The following LRP1B variants were observed in gnomAD, a reference collection of about 807,000 sequenced individuals.
The protein encoded by LRP1B is low-density lipoprotein receptor-related protein 1B.
LRP1B carries 217 observed loss-of-function variants against 556.6 expected under a neutral mutation model. The observed-to-expected ratio is 0.39, with a 90% CI of 0.35 to 0.44. The LOEUF is 0.44. Ranked by LOEUF, LRP1B falls within the 20% of genes least tolerant of loss-of-function variation. The pLI is 1.00. For missense variants in LRP1B, 5,053 were observed against 5,620.8 expected (o/e 0.90, Z 3.23); for synonymous variants, 2,047 against 1,865.8 (o/e 1.10, Z -2.50).
In LRP1B at chr2:140,352,967, G is replaced by T. The variant is rs369966246; in HGVS notation, c.11636C>A (p.Thr3879Asn). 4 of 1,611,980 alleles carry T rather than the reference G, an allele frequency of 2.5e-6. No homozygotes were observed. The highest frequency in any genetic ancestry group is 1.3e-5 in the African/African-American group (1 of 74,904). The change falls in exon 76 of 91, where the codon ACC (threonine) becomes AAC (asparagine). Residue 3879 changes from threonine (T) to asparagine (N), a missense_variant. Physicochemically the swap from Thr to Asn is moderately conservative, Grantham distance 65. Around this residue, in one of 5 missense-constraint regions of LRP1B, gnomAD observed 599 missense variants for 648.4 expected, o/e 0.92. Transcript: ENST00000389484. ...TATAATCTTACCTTCTGCTATGCAGGTGTTATTTCTTTCTTGAAAATTCTG... is the reference window on the plus strand; with the variant it reads ...TATAATCTTACCTTCTGCTATGCAGTTGTTATTTCTTTCTTGAAAATTCTG... ...CDQNFQERNN[T>N]CIAEGSEDQV...
intron 51 of LRP1B, among the ~76,000 whole-genome samples, chr2:140,514,404 G>T (rs1689794766): frequency 6.6e-6 from 1 of 151,546 alleles, no homozygotes. Flanking sequence ...CCGAAAGCTA[G>T]AAATAAAATG....
At chr2:142,099,313 T>G (rs1706490935) in intron 1 of LRP1B, among the ~76,000 whole-genome samples, 1 of 151,830 alleles carries the variant, frequency 6.6e-6, no homozygotes, top group Admixed American at 6.6e-5. Flanking sequence ...ATAATCTAAT[T>G]GCAACAGTAG....
chr2:141,576,753 C>CA lies in LRP1B; in HGVS notation c.206-96221dup, dbSNP rs72183984. The stretch of plus-strand genomic sequence containing the variant: ...TAGGCAGCAGAGTGAGCCCCTGTCT[C>CA]AAAAAAAAAAAAAAAAAAGCTTCAG... On this transcript the variant is annotated intron_variant, in intron 2 of 90. Coordinates refer to ENST00000389484, the MANE Select transcript of LRP1B (RefSeq NM_018557.3). Among the ~76,000 whole-genome samples, 756 of 92,226 alleles carry CA rather than the reference C, an allele frequency of 8.2e-3. 6 individuals are homozygous for CA. The highest frequency in any genetic ancestry group is 0.021 in the South Asian group (53 of 2,534). 60.5% of individuals were successfully genotyped at this position (92,226 alleles called of 152,430 possible). A position where few individuals can be genotyped will look rare whatever the true frequency, so the allele number is the denominator to read the frequency against.
chr2:141,696,055 A>G (rs1472029217), intron 2 of LRP1B, among the ~76,000 whole-genome samples: 1 of 151,966 alleles, frequency 6.6e-6, no homozygotes, highest in East Asian at 1.9e-4. Flanking sequence ...ATACCCTTTA[A>G]TGTAATCTGT....
chr2:142,103,476 A>C (rs993487873), intron 1 of LRP1B, among the ~76,000 whole-genome samples: 1 of 151,998 alleles, frequency 6.6e-6, no homozygotes, highest in Non-Finnish European at 1.5e-5. Flanking sequence ...TTAATAAAGA[A>C]ACCTAACTCT....
chr2:142,097,069 C>A (rs994315475), intron 1 of LRP1B, among the ~76,000 whole-genome samples: 1 of 108,026 alleles, frequency 9.3e-6, no homozygotes, highest in South Asian at 2.7e-4. Flanking sequence ...AAAAAAAAAC[C>A]CCGGTTTACC....
chr2:141,074,541 A>G (rs1378760979), intron 7 of LRP1B, among the ~76,000 whole-genome samples: 1 of 148,202 alleles, frequency 6.7e-6, no homozygotes, highest in African/African-American at 2.5e-5. Context: ...GTCTGCACAT[A>G]CTAAGTTCTT....
intron 3 of LRP1B, among the ~76,000 whole-genome samples, chr2:141,260,052 G>T (rs1320763498): frequency 1.3e-5 from 2 of 151,902 alleles, no homozygotes; most frequent in Non-Finnish European, 2.9e-5. Context: ...TTATTTTTGG[G>T]TGTGACATGA....
At chr2:140,977,562 G>C (rs1373359908) in intron 18 of LRP1B, among the ~76,000 whole-genome samples, 1 of 150,998 alleles carries the variant, frequency 6.6e-6, no homozygotes, top group Non-Finnish European at 1.5e-5. Context: ...AGCATTAATT[G>C]AGAATTTCTT....
chr2:140,877,527 C>T (rs919370193), intron 25 of LRP1B, among the ~76,000 whole-genome samples: 27 of 152,062 alleles, frequency 1.8e-4, no homozygotes, highest in African/African-American at 6.5e-4. Context: ...TTGAGGCCCC[C>T]AAATCACTAA....
intron 2 of LRP1B, among the ~76,000 whole-genome samples, chr2:141,737,876 T>C (rs1352879692): frequency 6.6e-6 from 1 of 152,206 alleles, no homozygotes; most frequent in Admixed American, 6.5e-5. Flanking sequence ...CATTTCTTTT[T>C]AGTTTCCATA....
At chr2:141,185,688 A>T (rs1281725953) in intron 7 of LRP1B, among the ~76,000 whole-genome samples, 1 of 33,864 alleles carries the variant, frequency 3.0e-5, no homozygotes, top group African/African-American at 7.1e-5. Context: ...ACAAACAAAC[A>T]AAAAAAAACA....
chr2:141,445,021 C>T (rs1681133911), intron 3 of LRP1B, among the ~76,000 whole-genome samples: 2 of 152,128 alleles, frequency 1.3e-5, no homozygotes, highest in Non-Finnish European at 2.9e-5. Flanking sequence ...CCTCTCTGTA[C>T]CTCTGGTAGA....
intron 2 of LRP1B, among the ~76,000 whole-genome samples, chr2:141,556,973 C>T (rs984733626): frequency 2.1e-4 from 32 of 151,734 alleles, no homozygotes; most frequent in African/African-American, 7.7e-4. Flanking sequence ...TTCTTCCATT[C>T]CTCTTCCCAG....
intron 3 of LRP1B, among the ~76,000 whole-genome samples, chr2:141,370,482 T>C (rs1049930323): frequency 1.3e-5 from 2 of 152,152 alleles, no homozygotes; most frequent in East Asian, 3.9e-4. Flanking sequence ...CAGCCTACTT[T>C]TCAATGGGAT....
intron 41 of LRP1B, among the ~76,000 whole-genome samples, chr2:140,636,428 A>T (rs956520845): frequency 5.3e-5 from 8 of 152,182 alleles, no homozygotes; most frequent in Non-Finnish European, 5.9e-5. Flanking sequence ...TGGAAACAAA[A>T]GTATGATTAC....
chr2:141,195,616 T>G (rs746078636), intron 6 of LRP1B, among the ~76,000 whole-genome samples: 27 of 152,234 alleles, frequency 1.8e-4, no homozygotes, highest in Non-Finnish European at 3.1e-4. Flanking sequence ...AATAACTGTT[T>G]TGGATTCCTG....
intron 2 of LRP1B, among the ~76,000 whole-genome samples, chr2:141,520,501 C>T (rs957040282): frequency 1.9e-4 from 29 of 151,694 alleles, no homozygotes; most frequent in Admixed American, 8.5e-4. Flanking sequence ...ATTCATTCTC[C>T]ATTGTGATTT....
intron 3 of LRP1B, among the ~76,000 whole-genome samples, chr2:141,285,991 C>T (rs1367785214): frequency 1.2e-4 from 16 of 132,682 alleles, no homozygotes; most frequent in Non-Finnish European, 2.0e-4. Flanking sequence ...GGCGTGAACC[C>T]GGGAGGCGGA....
Sources: gnomAD v4.1 joint callset for allele counts (sites outside exome capture counted in the v4.1 genomes callset) on GRCh38, gnomAD v4.1.1 for gene constraint, gnomAD v4.1.1 regional missense constraint, MANE v1.5 for transcripts, NCBI Gene and HGNC (gene_info 2026-07-23, HGNC 2026-07-21) for gene names.